The following HS1BP3 variants were observed in gnomAD, a reference collection of about 807,000 sequenced individuals.
The protein encoded by HS1BP3 is HCLS1-binding protein 3.
HS1BP3 carries 32 observed loss-of-function variants against 33.5 expected under a neutral mutation model. That is an observed-to-expected ratio of 0.95 (90% CI 0.72 to 1.28). HS1BP3 has a LOEUF of 1.28. Among genes scored for constraint, HS1BP3 ranks in the 50% most tolerant of loss-of-function variants. The pLI, the probability that HS1BP3 is intolerant of heterozygous loss-of-function variation, is 0.00. For missense variants in HS1BP3, 486 were observed against 502.3 expected (o/e 0.97, Z 0.31); for synonymous variants, 187 against 209.2 (o/e 0.89, Z 0.92).
chr2:20,588,878 G>C (rs913520869), downstream of HS1BP3, among the ~76,000 whole-genome samples: 2 of 152,220 alleles, frequency 1.3e-5, no homozygotes, highest in East Asian at 1.9e-4. Flanking sequence ...GCTGAGGCAG[G>C]CTCAGCCTTC....
downstream of HS1BP3, among the ~76,000 whole-genome samples, chr2:20,588,403 G>A (rs1367335564): frequency 1.3e-5 from 2 of 152,100 alleles, no homozygotes; most frequent in African/African-American, 2.4e-5. Flanking sequence ...TGCAACCTTC[G>A]CCTCCTGGGT....
intron 2 of HS1BP3, among the ~76,000 whole-genome samples, chr2:20,598,889 T>C (rs1467278850): frequency 6.6e-6 from 1 of 152,168 alleles, no homozygotes; most frequent in Non-Finnish European, 1.5e-5. Context: ...TTGGGCTCTT[T>C]ATATTCTTCT....
At chr2:20,554,669 A>C in the HS1BP3 span, among the ~76,000 whole-genome samples, 1 of 148,418 alleles carries the variant, frequency 6.7e-6, no homozygotes, top group Non-Finnish European at 1.5e-5. Flanking sequence ...TTGCAATTGC[A>C]CTCAAGCCTG....
chr2:20,646,714 C>T (rs1021458427), intron 1 of HS1BP3, among the ~76,000 whole-genome samples: 2 of 152,254 alleles, frequency 1.3e-5, no homozygotes, highest in Admixed American at 6.5e-5. Flanking sequence ...ACCGAGTTCA[C>T]GCAGTGTGCA....
chr2:20,588,630 C>T (rs888073343), downstream of HS1BP3, among the ~76,000 whole-genome samples: 23 of 152,218 alleles, frequency 1.5e-4, no homozygotes, highest in Non-Finnish European at 1.0e-4. Context: ...CCCAGCCTTC[C>T]AAGCCGATTT....
chr2:20,575,666 C>T (rs894089178), intron 5 of HS1BP3, among the ~76,000 whole-genome samples: 2 of 152,226 alleles, frequency 1.3e-5, no homozygotes, highest in African/African-American at 4.8e-5. Flanking sequence ...GTTTGTGCCT[C>T]AAGGCCCGGC....
rs766908220 is a variant in HS1BP3 at position 20,645,374 on chromosome 2, G to A, written c.164C>T (p.Ala55Val). ...GACGACATCCTCGGGCCTGTGCTTGGCCGACTTGAACGCAGCCAGACGGGT... is the reference window on the plus strand; with the variant it reads ...GACGACATCCTCGGGCCTGTGCTTGACCGACTTGAACGCAGCCAGACGGGT... ...VVTRLAAFKS[A>V]KHRPEDVVQF... is the part of the protein sequence containing the mutation. Residue 55 changes from alanine to valine, a missense_variant, in exon 2 of 7, where the codon GCC becomes GTC. By Grantham distance (64) the Ala-to-Val change is moderately conservative (BLOSUM62 0). Transcript: ENST00000304031. 9 of 1,613,816 alleles carry A rather than the reference G, an allele frequency of 5.6e-6. No individual in the cohort carries two copies. Among genetic ancestry groups the A allele is most frequent in the Middle Eastern group, 1.6e-4 (1 of 6,084 alleles).
chr2:20,609,380 C>T (rs1439987069), intron 2 of HS1BP3, among the ~76,000 whole-genome samples: 6 of 152,222 alleles, frequency 3.9e-5, no homozygotes, highest in Non-Finnish European at 7.3e-5. Flanking sequence ...ACTTCAAAGC[C>T]GTTCCAGGGG....
At chr2:20,584,034 A>T (rs1319075778) in intron 5 of HS1BP3, among the ~76,000 whole-genome samples, 2 of 152,204 alleles carry the variant, frequency 1.3e-5, no homozygotes, top group African/African-American at 2.4e-5. Flanking sequence ...CAACAGGGCC[A>T]CCCTCAGAAC....
At chr2:20,602,628 T>A (rs1409033110) in intron 2 of HS1BP3, among the ~76,000 whole-genome samples, 1 of 152,192 alleles carries the variant, frequency 6.6e-6, no homozygotes, top group Non-Finnish European at 1.5e-5. Context: ...ATCTGATGAC[T>A]GTTTTGGTAT....
At chr2:20,554,480 TG>T in the HS1BP3 span, among the ~76,000 whole-genome samples, 1 of 152,250 alleles carries the variant, frequency 6.6e-6, no homozygotes, top group African/African-American at 2.4e-5. Flanking sequence ...CCCAACACTT[TG>T]GGAGGCCGAG....
At chr2:20,580,012 T>C (rs1168572942) in intron 5 of HS1BP3, among the ~76,000 whole-genome samples, 1 of 152,252 alleles carries the variant, frequency 6.6e-6, no homozygotes, top group South Asian at 2.1e-4. Context: ...TATCCTAATC[T>C]ACATACCCTT....
intron 5 of HS1BP3, among the ~76,000 whole-genome samples, chr2:20,581,641 C>T (rs976529704): frequency 6.6e-6 from 1 of 152,234 alleles, no homozygotes; most frequent in African/African-American, 2.4e-5. Flanking sequence ...TGAGCCACCG[C>T]ACCCAGCCAA....
intron 5 of HS1BP3, among the ~76,000 whole-genome samples, chr2:20,576,611 G>A (rs991031020): frequency 5.3e-5 from 8 of 152,232 alleles, no homozygotes; most frequent in Middle Eastern, 3.2e-3. Context: ...TCATTGTACT[G>A]TAAAGTGCCT....
At chr2:20,633,655 TG>T (rs1444123223) in intron 4 of HS1BP3, among the ~76,000 whole-genome samples, 1 of 152,200 alleles carries the variant, frequency 6.6e-6, no homozygotes, top group Admixed American at 6.5e-5. Flanking sequence ...CCTGAGTAGC[TG>T]GGATTACAGG....
intron 2 of HS1BP3, among the ~76,000 whole-genome samples, chr2:20,600,580 A>G (rs964223892): frequency 6.6e-6 from 1 of 152,180 alleles, no homozygotes; most frequent in East Asian, 1.9e-4. Flanking sequence ...CCAACCATAA[A>G]ATAGCACGGA....
At chr2:20,627,768 AG>A (rs1694833278) in intron 4 of HS1BP3, among the ~76,000 whole-genome samples, 1 of 152,182 alleles carries the variant, frequency 6.6e-6, no homozygotes, top group Non-Finnish European at 1.5e-5. Context: ...TCAAGGAAGA[AG>A]CAGGAAATAT....
At chr2:20,645,199 G>C (rs186579040) in intron 2 of HS1BP3, 141 bp downstream of exon 2, 1 of 769,768 alleles carries the variant, frequency 1.3e-6, no homozygotes, top group East Asian at 2.7e-5. Flanking sequence ...GTCTAGCATG[G>C]TCTGGTACTC....
intron 5 of HS1BP3, among the ~76,000 whole-genome samples, chr2:20,573,445 C>A (rs1246214461): frequency 6.6e-6 from 1 of 150,620 alleles, no homozygotes; most frequent in Non-Finnish European, 1.5e-5. Flanking sequence ...CCCAGGGAGA[C>A]CCCCCAAGCC....
Sources: gnomAD v4.1 joint callset for allele counts (sites outside exome capture counted in the v4.1 genomes callset) on GRCh38, gnomAD v4.1.1 for gene constraint, MANE v1.5 for transcripts, NCBI Gene and HGNC (gene_info 2026-07-23, HGNC 2026-07-21) for gene names.